Variants in ATRIP observed in about 807,000 individuals in gnomAD.
ATRIP encodes ATR interacting protein.
ATRIP carries 44 observed loss-of-function variants against 78.1 expected under a neutral mutation model. The ratio of observed to expected loss-of-function variants is 0.56; its 90% CI spans 0.44 to 0.72. The LOEUF (loss-of-function observed/expected upper bound fraction) is 0.72, where lower values mean the gene tolerates loss of function less well. Among genes scored for constraint, ATRIP ranks in the 30% least tolerant of loss-of-function variants. The pLI, the probability that ATRIP is intolerant of heterozygous loss-of-function variation, is 0.00. For synonymous variants in ATRIP, 388 were observed against 408.9 expected (o/e 0.95, Z 0.62); for missense variants, 927 against 980.2 (o/e 0.95, Z 0.72).
chr3:48,464,712 C>T (rs755224843), intron 11 of ATRIP, 50 bp downstream of exon 11: 15 of 1,612,988 alleles, frequency 9.3e-6, no homozygotes, highest in South Asian at 3.3e-5. Flanking sequence ...AAGGGGGCCC[C>T]GTGCAAGGAC....
At chr3:48,452,209 A>G (rs1168544891) in intron 3 of ATRIP, among the ~76,000 whole-genome samples, 1 of 152,200 alleles carries the variant, frequency 6.6e-6, no homozygotes, top group South Asian at 2.1e-4. Context: ...CTTAGGCTAA[A>G]AGGAAACGTA....
chr3:48,458,355 A>T (rs2040009991), intron 5 of ATRIP, among the ~76,000 whole-genome samples: 1 of 139,516 alleles, frequency 7.2e-6, no homozygotes, highest in African/African-American at 2.7e-5. Flanking sequence ...GCGGAGTCTC[A>T]CTCTGTCACC....
At chr3:48,448,338 C>G (rs1293591119) in intron 1 of ATRIP, among the ~76,000 whole-genome samples, 1 of 152,050 alleles carries the variant, frequency 6.6e-6, no homozygotes, top group Non-Finnish European at 1.5e-5. Flanking sequence ...CGCCACCATG[C>G]CTGGCTAATT....
intron 1 of ATRIP, among the ~76,000 whole-genome samples, chr3:48,448,114 T>A (rs1394999568): frequency 6.6e-6 from 1 of 151,714 alleles, no homozygotes; most frequent in Non-Finnish European, 1.5e-5. Flanking sequence ...AGTGATCTTT[T>A]CAAAACTCAA....
At position 48,467,610 on chromosome 3, in the gene ATRIP, G is replaced by T; in HGVS notation, c.*2056G>T. ...CACACCTGGGGAGTAGGCCAAGAAG[G>T]AAAATCTGACGAATAAAGACCCCCG... On this transcript the variant is annotated 3_prime_UTR_variant, in exon 13 of 13. Transcript: ENST00000320211. 6.2e-7 allele frequency: 1 copy of T among 1,608,180 alleles called. No homozygotes were observed. The highest frequency in any genetic ancestry group is 8.5e-7 in the Non-Finnish European group (1 of 1,176,816).
At position 48,466,129 on chromosome 3, in the gene ATRIP, TG is replaced by T. The variant is rs1164595105; in HGVS notation, c.*582del. ...TCCCCCGGGAGCAGGGGAGTGGGTG[TG>T]GGGGGGAACGGATGGTGGTGAGAGG... On this transcript the variant is annotated 3_prime_UTR_variant, in exon 13 of 13. Transcript: ENST00000320211. 4 of 417,070 alleles carry T rather than the reference TG, an allele frequency of 9.6e-6. No individual in the cohort carries two copies. The highest frequency in any genetic ancestry group is 4.4e-5 in the South Asian group (2 of 45,086). 25.8% of individuals were successfully genotyped at this position (417,070 alleles called of 1,614,324 possible).
chr3:48,464,842 G>A lies in ATRIP; in HGVS notation c.2067G>A (p.Ala689=), dbSNP rs765650313. 44 of 1,611,068 alleles carry A rather than the reference G, an allele frequency of 2.7e-5. No individual in the cohort carries two copies. The highest frequency in any genetic ancestry group is 6.6e-5 in the South Asian group (6 of 90,990). The change falls in exon 12 of 13, where the codon GCG becomes GCA. Residue 689 remains alanine, a synonymous_variant. Coordinates refer to ENST00000320211, the MANE Select transcript of ATRIP (RefSeq NM_130384.3). Reference sequence around the variant, plus strand: ...CCCCCCTCTCTCAGGTGGTCAGAGCGCTCACGGTGATGTTGCACAGACAGT... The same window carrying A: ...CCCCCCTCTCTCAGGTGGTCAGAGCACTCACGGTGATGTTGCACAGACAGT... The part of the protein sequence containing the change: ...NCQCNVEVVR[A]LTVMLHRQWL...
Position 48,465,635 on chromosome 3 carries a change from A to T in ATRIP, c.*81A>T. 1 of 1,397,484 alleles carries T rather than the reference A, an allele frequency of 7.2e-7. No homozygotes were observed. The highest frequency in any genetic ancestry group is 1.0e-6 in the Non-Finnish European group (1 of 989,658). The allele number at this position is 1,397,484 out of a possible 1,614,324, so 86.6% of individuals were successfully genotyped here. A position where few individuals can be genotyped will look rare whatever the true frequency, so the allele number is the denominator to read the frequency against. ...TCAACTGATTAAAGCAGTGACCAGC[A>T]GGAACTGCCCAGAGAACTGGCTGGC... On this transcript the variant is annotated 3_prime_UTR_variant, in exon 13 of 13. Coordinates refer to ENST00000320211, the MANE Select transcript of ATRIP (RefSeq NM_130384.3).
intron 8 of ATRIP, among the ~76,000 whole-genome samples, chr3:48,461,697 A>G (rs1007797309): frequency 8.6e-5 from 13 of 151,576 alleles, no homozygotes; most frequent in Admixed American, 2.0e-4. Context: ...GTTGTTGTTT[A>G]TTTGTTTGTT....
chr3:48,446,765 C>T lies in ATRIP; in HGVS notation c.-81C>T. 3 of 1,323,726 alleles carry T rather than the reference C, an allele frequency of 2.3e-6. No individual in the cohort carries two copies. The highest frequency in any genetic ancestry group is 2.9e-5 in the East Asian group (1 of 34,800). 82.0% of individuals were successfully genotyped at this position (1,323,726 alleles called of 1,614,324 possible). A position where few individuals can be genotyped will look rare whatever the true frequency, so the allele number is the denominator to read the frequency against. On this transcript the variant is annotated 5_prime_UTR_variant, in exon 1 of 13. Transcript: ENST00000320211. ...CGCGGCGGAGGCAAGCGGCGGCGCG[C>T]GGACGGTTGGTCCAGTTCTCCGGCC...
chr3:48,451,670 A>G (rs1262924467), intron 2 of ATRIP, 59 bp from the exon 3 acceptor site: 1 of 1,447,308 alleles, frequency 6.9e-7, no homozygotes, highest in Non-Finnish European at 9.4e-7. Flanking sequence ...ATGTTAAAAC[A>G]AAGTACCTAA....
rs1419916915 is a variant in ATRIP at position 48,453,014 on chromosome 3, A to G, written c.552+1115A>G. On this transcript the variant is annotated intron_variant, in intron 3 of 12. Transcript: ENST00000320211. ...ATCCTCCCATCTCAGCCTCCCAGGT[A>G]GCTGGAACTATAGGCACACACCACC... Among the ~76,000 whole-genome samples the G allele has an allele frequency of 2.0e-5, 3 of 151,480 alleles. No homozygotes were observed. In the South Asian group the frequency reaches 6.3e-4, roughly 32 times the overall value.
chr3:48,446,802 A>G lies in ATRIP; in HGVS notation c.-44A>G, dbSNP rs1270521989. On this transcript the variant is annotated 5_prime_UTR_variant, in exon 1 of 13. Transcript: ENST00000320211. ...CCAGTTCTCCGGCCTGGCGGCAGGC[A>G]AGTCTAGCTCGGCGCTGTCGGATAC... 6.6e-6 allele frequency: 9 copies of G among 1,363,686 alleles called. No homozygotes were observed. The highest frequency in any genetic ancestry group is 7.6e-6 in the Non-Finnish European group (8 of 1,056,108). 84.5% of individuals were successfully genotyped at this position (1,363,686 alleles called of 1,614,324 possible).
At chr3:48,449,997 A>C in intron 1 of ATRIP, 40 bp from the exon 2 acceptor site, 1 of 1,554,814 alleles carries the variant, frequency 6.4e-7, no homozygotes, top group South Asian at 1.2e-5. Flanking sequence ...AAGTGGGAAA[A>C]TATTGGGTCC....
At position 48,464,814 on chromosome 3, in the gene ATRIP, C is replaced by T. The variant is rs1224938190; in HGVS notation, c.2056-17C>T. 3.1e-6 allele frequency: 5 copies of T among 1,603,466 alleles called. No homozygotes were observed. The Middle Eastern group carries it at 5.0e-4, about 160-fold the overall frequency. Reference sequence around the variant, plus strand: ...CATGGTGGCACCAGGCCTCAGTCTGCACCCCCCCTCTCTCAGGTGGTCAGA... The same window carrying T: ...CATGGTGGCACCAGGCCTCAGTCTGTACCCCCCCTCTCTCAGGTGGTCAGA... On this transcript the variant is annotated splice_polypyrimidine_tract_variant and intron_variant, in intron 11 of 12. Coordinates refer to ENST00000320211, the MANE Select transcript of ATRIP (RefSeq NM_130384.3).
chr3:48,450,552 T>C (rs1376946882), intron 2 of ATRIP: 11 of 1,287,660 alleles, frequency 8.5e-6, no homozygotes, highest in African/African-American at 1.5e-5. Context: ...AAACCAGGAA[T>C]ATGTGGAATT....
At position 48,460,119 on chromosome 3, in the gene ATRIP, T is replaced by G; in HGVS notation, c.1065T>G (p.Ala355=). Residue 355 remains alanine (A), a synonymous_variant, in exon 8 of 13, where the codon GCT becomes GCG. Coordinates refer to ENST00000320211, the MANE Select transcript of ATRIP (RefSeq NM_130384.3). ...TTGTGTTTGTTGCCAGTACCTTGGC[T>G]GGAATGTCAGGCCTCAGGACCACAG... ...LQPPGFGSTL[A]GMSGLRTTGS... The G allele has an allele frequency of 6.2e-7, 1 of 1,610,344 alleles. No individual in the cohort carries two copies. Among genetic ancestry groups the G allele is most frequent in the South Asian group, 1.1e-5 (1 of 90,806 alleles).
rs964484171 is a variant in ATRIP, at chr3:48,446,742, C to A, written c.-104C>A. On this transcript the variant is annotated 5_prime_UTR_variant, in exon 1 of 13. Coordinates refer to ENST00000320211, the MANE Select transcript of ATRIP (RefSeq NM_130384.3). ...CCCTGGGCCAGGGGCGGGGCACTCG[C>A]GGCGGAGGCAAGCGGCGGCGCGCGG... 2.3e-6 allele frequency: 3 copies of A among 1,302,076 alleles called. No homozygotes were observed. The highest frequency in any genetic ancestry group is 3.1e-5 in the African/African-American group (2 of 65,370). 80.7% of individuals were successfully genotyped at this position (1,302,076 alleles called of 1,614,324 possible). A position where few individuals can be genotyped will look rare whatever the true frequency, so the allele number is the denominator to read the frequency against.
chr3:48,453,790 C>G (rs1469336616), intron 3 of ATRIP, among the ~76,000 whole-genome samples: 1 of 152,212 alleles, frequency 6.6e-6, no homozygotes, highest in Non-Finnish European at 1.5e-5. Flanking sequence ...TTACCAAGCT[C>G]TATGCTGGGT....
Sources: gnomAD v4.1 joint callset for allele counts (sites outside exome capture counted in the v4.1 genomes callset) on GRCh38, gnomAD v4.1.1 for gene constraint, MANE v1.5 for transcripts, NCBI Gene and HGNC (gene_info 2026-07-23, HGNC 2026-07-21) for gene names.